Variants in LINC00632 observed in about 807,000 individuals in gnomAD.
LINC00632 encodes long independently transcribed non-coding RNA 632.
At chrX:140,727,167 T>C (rs997566293) in intron 2 of LINC00632, among the ~76,000 whole-genome samples, 1 of 111,307 alleles carries the variant, frequency 9.0e-6, no homozygotes. Flanking sequence ...AACATGCATA[T>C]GAGCCCACAT....
At chrX:140,724,962 CAG>C (rs1485796002) in intron 2 of LINC00632, among the ~76,000 whole-genome samples, 8 of 99,895 alleles carry the variant, frequency 8.0e-5, no homozygotes, top group East Asian at 3.4e-4. Context: ...CATACACACA[CAG>C]AGACACATTC....
intron 3 of LINC00632, among the ~76,000 whole-genome samples, chrX:140,768,634 C>G (rs760786964): frequency 0.015 from 889 of 58,114 alleles, 13 homozygotes; most frequent in African/African-American, 0.038. Flanking sequence ...AATATATATA[C>G]TATATAATAT....
At chrX:140,713,482 A>G (rs1211737849) in intron 2 of LINC00632, 1 of 333,244 alleles carries the variant, frequency 3.0e-6, no homozygotes, top group Admixed American at 3.1e-5. Flanking sequence ...GCACATAGTA[A>G]CCATTATGTA....
chrX:140,713,099 C>T (rs1159653408), intron 2 of LINC00632, among the ~76,000 whole-genome samples: 1 of 111,524 alleles, frequency 9.0e-6, no homozygotes, highest in Non-Finnish European at 1.9e-5. Flanking sequence ...TCCTGAGGGC[C>T]GCAGTGGCTG....
At chrX:140,733,692 G>GATTATTCTT (rs1569350547) in intron 2 of LINC00632, among the ~76,000 whole-genome samples, 8 of 112,046 alleles carry the variant, frequency 7.1e-5, no homozygotes, top group Admixed American at 2.9e-4. Flanking sequence ...TTTTGTAAAG[G>GATTATTCTT]TATTAATAAA....
At chrX:140,768,642 T>TCACATAATAA (rs1931734705) in intron 3 of LINC00632, among the ~76,000 whole-genome samples, 1 of 33,028 alleles carries the variant, frequency 3.0e-5, no homozygotes, top group Non-Finnish European at 1.0e-4. Flanking sequence ...TACTATATAA[T>TCACATAATAA]ATATTTATTA....
At chrX:140,750,369 TA>T (rs1213739032) in intron 3 of LINC00632, among the ~76,000 whole-genome samples, 3 of 110,610 alleles carry the variant, frequency 2.7e-5, no homozygotes, top group Admixed American at 1.9e-4. Flanking sequence ...AATAACAATA[TA>T]TTGTATTCTT....
intron 3 of LINC00632, among the ~76,000 whole-genome samples, chrX:140,768,196 C>T (rs1326716361): frequency 1.8e-5 from 2 of 111,120 alleles, no homozygotes; most frequent in East Asian, 5.7e-4. Context: ...TGAGCTTCTG[C>T]TTTTTCAAAT....
exon 5 of LINC00632, among the ~76,000 whole-genome samples, chrX:140,790,689 C>T (rs1265984104): frequency 9.0e-6 from 1 of 110,971 alleles, no homozygotes; most frequent in African/African-American, 3.3e-5. Flanking sequence ...GGATCTGTCT[C>T]AATTTATTTA....
exon 5 of LINC00632, among the ~76,000 whole-genome samples, chrX:140,787,996 T>C (rs12013481): frequency 0.34 from 37,468 of 109,264 alleles, 5,081 homozygotes; most frequent in African/African-American, 0.49. Flanking sequence ...TATGGGTAGA[T>C]TTTACTTCTA....
At chrX:140,768,567 A>G (rs2148399545) in intron 3 of LINC00632, among the ~76,000 whole-genome samples, 1 of 99,398 alleles carries the variant, frequency 1.0e-5, no homozygotes, top group East Asian at 3.0e-4. Context: ...TTATATATTT[A>G]TTATATATAC....
At chrX:140,767,946 T>C (rs184339415) in intron 3 of LINC00632, among the ~76,000 whole-genome samples, 1 of 111,623 alleles carries the variant, frequency 9.0e-6, no homozygotes, top group Admixed American at 9.5e-5. Flanking sequence ...TAACCACCTC[T>C]TAAAGATCTC....
intron 3 of LINC00632, among the ~76,000 whole-genome samples, chrX:140,758,667 C>T (rs1931535065): frequency 8.9e-6 from 1 of 111,920 alleles, no homozygotes; most frequent in Non-Finnish European, 1.9e-5. Flanking sequence ...CGTGAGCCAC[C>T]GTCCCTGGCT....
exon 5 of LINC00632, among the ~76,000 whole-genome samples, chrX:140,789,451 A>C (rs1351157604): frequency 9.0e-6 from 1 of 111,148 alleles, no homozygotes; most frequent in Non-Finnish European, 1.9e-5. Flanking sequence ...AATTCTTTCC[A>C]CATGATCTTT....
At chrX:140,718,210 G>A (rs780094294) in intron 2 of LINC00632, among the ~76,000 whole-genome samples, 2 of 110,880 alleles carry the variant, frequency 1.8e-5, no homozygotes, top group Non-Finnish European at 3.8e-5. Context: ...AAGAGTCAGC[G>A]TTATTGGTGT....
chrX:140,756,581 G>A lies in LINC00632; in HGVS notation n.192-15497G>A, dbSNP rs190503723. 5.4e-3 allele frequency among the ~76,000 whole-genome samples: 601 copies of A among 111,945 alleles called. 4 individuals carry two copies. Among genetic ancestry groups the A allele is most frequent in the African/African-American group, 0.018 (568 of 30,831 alleles). On this transcript the variant is annotated intron_variant and non_coding_transcript_variant, in intron 3 of 4. Transcript: ENST00000648200. ...TAGATGCAACCAGAGTAAGGAGGCT[G>A]GATGTACAGCCAGTCCAGAAGGTGC...
chrX:140,726,484 C>T (rs912882644), intron 2 of LINC00632, among the ~76,000 whole-genome samples: 1 of 111,799 alleles, frequency 8.9e-6, no homozygotes, highest in East Asian at 2.8e-4. Context: ...AAACCCACCC[C>T]AGAACACATG....
At chrX:140,727,710 A>C (rs1930986832) in intron 2 of LINC00632, among the ~76,000 whole-genome samples, 1 of 112,205 alleles carries the variant, frequency 8.9e-6, no homozygotes, top group South Asian at 3.7e-4. Flanking sequence ...GTACCAGAGT[A>C]CTACACATAT....
exon 5 of LINC00632, among the ~76,000 whole-genome samples, chrX:140,777,446 G>C (rs948254281): frequency 8.9e-6 from 1 of 112,375 alleles, no homozygotes; most frequent in Non-Finnish European, 1.9e-5. Context: ...GAGAGCTTAC[G>C]CTCTTGATCT....
Sources: allele counts gnomAD v4.1 joint callset (sites outside exome capture counted in the v4.1 genomes callset), GRCh38; gene constraint gnomAD v4.1.1; transcripts MANE v1.5; gene names NCBI Gene and HGNC (gene_info 2026-07-23, HGNC 2026-07-21).